The following CNKSR2 variants were observed in gnomAD, a reference collection of about 807,000 sequenced individuals.
CNKSR2 encodes the protein connector enhancer of kinase suppressor of Ras 2.
CNKSR2 carries 14 observed loss-of-function variants against 84.4 expected under a neutral mutation model. The observed-to-expected ratio is 0.17, with a 90% CI of 0.11 to 0.26. The LOEUF is 0.26. Among genes scored for constraint, CNKSR2 ranks in the 10% least tolerant of loss-of-function variants. CNKSR2 has a pLI of 1.00. For missense variants in CNKSR2, 485 were observed against 771.2 expected (o/e 0.63, Z 4.40); for synonymous variants, 275 against 277.9 (o/e 0.99, Z 0.10).
intron 20 of CNKSR2, among the ~76,000 whole-genome samples, chrX:21,633,947 G>A (rs1425329502): frequency 8.9e-6 from 1 of 112,149 alleles, no homozygotes; most frequent in Admixed American, 9.5e-5. Flanking sequence ...TTCCAAGACA[G>A]CTAAGATTGA....
chrX:21,454,785 C>T lies in CNKSR2; in HGVS notation c.519+14004C>T, dbSNP rs150775752. ...GTACATCTGTTTGTATAATATTTTACAATTTATGAAGTATTTTCAAATATA... is the reference window on the plus strand; with the variant it reads ...GTACATCTGTTTGTATAATATTTTATAATTTATGAAGTATTTTCAAATATA... On this transcript the variant is annotated intron_variant, in intron 4 of 21. Coordinates refer to ENST00000379510, the MANE Select transcript of CNKSR2 (RefSeq NM_014927.5). 3.9e-3 allele frequency among the ~76,000 whole-genome samples: 442 copies of T among 111,903 alleles called. 3 individuals carry two copies. Among genetic ancestry groups the T allele is most frequent in the South Asian group, 0.037 (100 of 2,688 alleles).
intron 3 of CNKSR2, among the ~76,000 whole-genome samples, 185 bp from the exon 4 acceptor site, chrX:21,440,509 A>G (rs768492993): frequency 1.8e-5 from 2 of 112,022 alleles, no homozygotes; most frequent in South Asian, 7.4e-4. Context: ...TATTTCCTGA[A>G]TTTAATTTTC....
chrX:21,644,129 G>T (rs997994629), intron 20 of CNKSR2: 1 of 111,536 alleles, frequency 9.0e-6, no homozygotes, highest in Non-Finnish European at 1.9e-5. Context: ...GATATCATTA[G>T]CCCGGAAGCC....
chrX:21,387,354 C>T (rs771116070), intron 1 of CNKSR2, among the ~76,000 whole-genome samples: 5 of 110,777 alleles, frequency 4.5e-5, no homozygotes, highest in South Asian at 3.8e-4. Context: ...TGGTGGGGCA[C>T]GCCTTTAGTC....
At chrX:21,478,277 T>C (rs749459886) in intron 5 of CNKSR2, among the ~76,000 whole-genome samples, 1 of 111,726 alleles carries the variant, frequency 9.0e-6, no homozygotes, top group Non-Finnish European at 1.9e-5. Context: ...ACTTTGGTGG[T>C]TAATTGCATT....
chrX:21,516,360 A>C, intron 8 of CNKSR2, 125 bp from the exon 9 acceptor site: 3 of 694,896 alleles, frequency 4.3e-6, no homozygotes, highest in Non-Finnish European at 4.3e-6. Context: ...GTATCTCCTG[A>C]AAATTGATAG....
At chrX:21,402,637 T>G (rs1163086820) in intron 1 of CNKSR2, among the ~76,000 whole-genome samples, 1 of 111,058 alleles carries the variant, frequency 9.0e-6, no homozygotes, top group Non-Finnish European at 1.9e-5. Context: ...ATTTTTATAT[T>G]TATTTGACAT....
At chrX:21,626,244 TAAAA>T (rs397895953) in intron 20 of CNKSR2, among the ~76,000 whole-genome samples, 1 of 40,893 alleles carries the variant, frequency 2.4e-5, no homozygotes, top group African/African-American at 7.5e-5. Context: ...TTCTAGGTGG[TAAAA>T]AAAAAAAAAA....
chrX:21,587,676 C>T (rs1229953932), intron 13 of CNKSR2, among the ~76,000 whole-genome samples: 3 of 112,124 alleles, frequency 2.7e-5, no homozygotes, highest in African/African-American at 9.7e-5. Context: ...GATAAATTTG[C>T]ACCTCAGGGG....
At chrX:21,540,626 C>T (rs1225452471) in intron 11 of CNKSR2, among the ~76,000 whole-genome samples, 1 of 111,839 alleles carries the variant, frequency 8.9e-6, no homozygotes, top group Non-Finnish European at 1.9e-5. Flanking sequence ...CCTTAAAATG[C>T]ACTATGTAAG....
In CNKSR2 at chrX:21,450,603, A is replaced by G. The variant is rs1166452513; in HGVS notation, c.519+9822A>G. Among the ~76,000 whole-genome samples, 6 of 111,851 alleles carry G rather than the reference A, an allele frequency of 5.4e-5. No homozygotes were observed. In the East Asian group the frequency reaches 1.7e-3, roughly 31 times the overall value. On this transcript the variant is annotated intron_variant, in intron 4 of 21. Coordinates refer to ENST00000379510, the MANE Select transcript of CNKSR2 (RefSeq NM_014927.5). ...TGAATAATCTTGAATTAAAGAATTA[A>G]TGTTGAATTTATATTTTTATTTATG...
chrX:21,538,529 TAGTC>T (rs968746006), intron 11 of CNKSR2: 8 of 111,824 alleles, frequency 7.2e-5, no homozygotes, highest in African/African-American at 1.3e-4. Flanking sequence ...AATAGTGTAT[TAGTC>T]AGGGTTCTCC....
chrX:21,452,152 G>A (rs927600510), intron 4 of CNKSR2, among the ~76,000 whole-genome samples: 2 of 111,592 alleles, frequency 1.8e-5, no homozygotes, highest in Non-Finnish European at 3.8e-5. Context: ...GTGCAGTGGC[G>A]CAATCTCGGC....
intron 13 of CNKSR2, among the ~76,000 whole-genome samples, chrX:21,573,679 A>G (rs1013501840): frequency 5.4e-5 from 6 of 111,493 alleles, no homozygotes; most frequent in African/African-American, 1.6e-4. Flanking sequence ...GCTGGGATGC[A>G]GGGCACCAAG....
intron 11 of CNKSR2, chrX:21,537,758 T>G (rs923027102): frequency 9.1e-6 from 1 of 109,640 alleles, no homozygotes; most frequent in African/African-American, 3.3e-5. Flanking sequence ...GAAGTGAGCT[T>G]CTTGTATGCA....
chrX:21,422,354 T>A (rs2090509063), intron 1 of CNKSR2: 1 of 111,436 alleles, frequency 9.0e-6, no homozygotes, highest in Non-Finnish European at 1.9e-5. Context: ...TTCCTAACCT[T>A]CACCATGGCT....
At chrX:21,380,443 C>CTTTT (rs1213793885) in intron 1 of CNKSR2, among the ~76,000 whole-genome samples, 4 of 70,320 alleles carry the variant, frequency 5.7e-5, no homozygotes, top group Non-Finnish European at 1.1e-4. Flanking sequence ...TCAATTTGTT[C>CTTTT]TTTTTTTTTT....
In CNKSR2 at chrX:21,374,433, C is replaced by T; in HGVS notation, c.-465C>T. On this transcript the variant is annotated 5_prime_UTR_variant, in exon 1 of 22. Coordinates refer to ENST00000379510, the MANE Select transcript of CNKSR2 (RefSeq NM_014927.5). ...GAGGCCCCTCGTCATTTCCGCCGGG[C>T]AGCTAGTCGTGCTCGGGGCTTCACT... The T allele has an allele frequency of 3.5e-6, 1 of 284,258 alleles. No individual in the cohort carries two copies. The highest frequency in any genetic ancestry group is 6.2e-6 in the Non-Finnish European group (1 of 161,564). 23.4% of individuals were successfully genotyped at this position (284,258 alleles called of 1,213,427 possible).
At chrX:21,376,186 C>G (rs957213295) in intron 1 of CNKSR2, among the ~76,000 whole-genome samples, 1 of 112,270 alleles carries the variant, frequency 8.9e-6, no homozygotes, top group Non-Finnish European at 1.9e-5. Context: ...TAATTTAGAA[C>G]GAAAGGTGAG....
Sources: allele counts gnomAD v4.1 joint callset (sites outside exome capture counted in the v4.1 genomes callset), GRCh38; gene constraint gnomAD v4.1.1; transcripts MANE v1.5; gene names NCBI Gene and HGNC (gene_info 2026-07-23, HGNC 2026-07-21).